TNKS2: variants seen among roughly 807,000 people sequenced by gnomAD.
TNKS2 encodes the protein tankyrase 2.
Under a neutral mutation model 137.6 loss-of-function variants are expected in TNKS2, and 72 were observed. That is an observed-to-expected ratio of 0.52 (90% confidence interval 0.43 to 0.64). The LOEUF is 0.64. Among genes scored for constraint, TNKS2 ranks in the 30% least tolerant of loss-of-function variants. The pLI is 0.00. For synonymous variants in TNKS2, 516 were observed against 512.1 expected, an observed-to-expected ratio of 1.01 and a Z score of -0.10; for missense variants, 1,049 against 1,410.2, an observed-to-expected ratio of 0.74 and a Z score of 4.10.
In TNKS2 at chr10:91,819,950, A is replaced by G. The variant is rs764554271; in HGVS notation, c.645A>G (p.Leu215=). 13 of 1,574,498 alleles carry G rather than the reference A, an allele frequency of 8.3e-6. No individual in the cohort carries two copies. The highest frequency in any genetic ancestry group is 1.1e-5 in the Non-Finnish European group (13 of 1,162,348). ...GATTAATATTTCAGTCAACTCCATT[A>G]CATTTGGCAGCAGGATATAACAGAG... ...HASDGRKSTP[L]HLAAGYNRVK... Residue 215 remains leucine (L), a synonymous_variant, in exon 6 of 27, where the codon TTA becomes TTG. Coordinates refer to ENST00000371627, the MANE Select transcript of TNKS2 (RefSeq NM_025235.4).
chr10:91,801,700 C>A (rs982732838), intron 1 of TNKS2, among the ~76,000 whole-genome samples: 5 of 152,098 alleles, frequency 3.3e-5, no homozygotes, highest in African/African-American at 1.2e-4. Context: ...TCTCAAACTC[C>A]TGATCTCGTG....
chr10:91,812,365 T>C (rs1200855579), intron 1 of TNKS2, among the ~76,000 whole-genome samples: 1 of 152,114 alleles, frequency 6.6e-6, no homozygotes, highest in Non-Finnish European at 1.5e-5. Flanking sequence ...GCCTCCTACA[T>C]GGAAAGAAGT....
intron 3 of TNKS2, 21 bp downstream of exon 3, chr10:91,817,250 T>G (rs1424315825): frequency 1.3e-6 from 2 of 1,582,686 alleles, no homozygotes; most frequent in Non-Finnish European, 1.7e-6. Context: ...ATACTCTGGT[T>G]ATTCCAGGAA....
In TNKS2 at chr10:91,841,377, T is replaced by A; in HGVS notation, c.1768T>A (p.Leu590Ile). 1 of 1,610,034 alleles carries A rather than the reference T, an allele frequency of 6.2e-7. No individual in the cohort carries two copies. ...TGGAGCAGTAGTTAATGTAGCTGATTTATGGAAATTTACACCTTTACATGA... is the reference window on the plus strand; with the variant it reads ...TGGAGCAGTAGTTAATGTAGCTGATATATGGAAATTTACACCTTTACATGA... ...KHGAVVNVAD[L>I]WKFTPLHEAA... Residue 590 changes from leucine to isoleucine, a missense_variant, in exon 15 of 27, where the codon TTA becomes ATA. Leu to Ile is a conservative substitution (Grantham distance 5). Around this residue, in one of 6 missense-constraint regions of TNKS2, gnomAD observed 328 missense variants for 436.0 expected, o/e 0.75. Coordinates refer to ENST00000371627, the MANE Select transcript of TNKS2 (RefSeq NM_025235.4).
intron 1 of TNKS2, among the ~76,000 whole-genome samples, chr10:91,806,661 C>T (rs1469892232): frequency 2.0e-5 from 3 of 152,156 alleles, no homozygotes; most frequent in Non-Finnish European, 2.9e-5. Context: ...TGAGACTACA[C>T]TGCTATACAT....
chr10:91,840,126 G>A (rs1842164868), intron 13 of TNKS2, among the ~76,000 whole-genome samples: 1 of 152,176 alleles, frequency 6.6e-6, no homozygotes, highest in African/African-American at 2.4e-5. Flanking sequence ...GATCCCTTGA[G>A]GCCAGGAGTT....
chr10:91,862,168 T>C lies in TNKS2; in HGVS notation c.3438+13T>C. 1 of 1,557,554 alleles carries C rather than the reference T, an allele frequency of 6.4e-7. No individual in the cohort carries two copies. The highest frequency in any genetic ancestry group is 8.7e-7 in the Non-Finnish European group (1 of 1,151,908). ...CAGAGGAGAACAGGTAATGTAGTTT[T>C]ATTTGTTCATCTTCAAAAATGCTAG... On this transcript the variant is annotated intron_variant, in intron 26 of 26. Coordinates refer to ENST00000371627, the MANE Select transcript of TNKS2 (RefSeq NM_025235.4).
In TNKS2 at chr10:91,831,105, T is replaced by G. The variant is rs981195737; in HGVS notation, c.1199T>G (p.Phe400Cys). The G allele has an allele frequency of 3.7e-6, 6 of 1,613,964 alleles. No homozygotes were observed. The highest frequency in any genetic ancestry group is 5.1e-6 in the Non-Finnish European group (6 of 1,179,910). The change falls in exon 11 of 27, where the codon TTC becomes TGC. Residue 400 changes from phenylalanine to cysteine, a missense_variant and splice_region_variant. By Grantham distance (205) the Phe-to-Cys change is radical. Around this residue, in one of 6 missense-constraint regions of TNKS2, gnomAD observed 328 missense variants for 436.0 expected, o/e 0.75. Transcript: ENST00000371627. Reference protein sequence around the residue: ...GANINEKTKEFLTPLHVASEK... With the variant: ...GANINEKTKECLTPLHVASEK... ...CTGGCTGATTTTTTCTCTCTAAGAT[T>G]CTTGACTCCTCTGCACGTGGCATCT...
At chr10:91,851,044 G>GT (rs1235043555) in intron 20 of TNKS2, among the ~76,000 whole-genome samples, 172 bp from the exon 21 acceptor site, 1 of 152,160 alleles carries the variant, frequency 6.6e-6, no homozygotes, top group Non-Finnish European at 1.5e-5. Context: ...GTGCCTTTTT[G>GT]TTTTGCGTTT....
At chr10:91,834,074 T>A (rs539733627) in intron 12 of TNKS2, 50 bp downstream of exon 12, 83 of 1,442,494 alleles carry the variant, frequency 5.8e-5, no homozygotes, top group Non-Finnish European at 7.3e-5. Flanking sequence ...CCTTTAAAAA[T>A]TTTTCACATA....
intron 7 of TNKS2, among the ~76,000 whole-genome samples, chr10:91,826,259 C>T (rs999112377): frequency 2.0e-5 from 3 of 152,150 alleles, no homozygotes; most frequent in Non-Finnish European, 2.9e-5. Flanking sequence ...GAATTTTCCA[C>T]TTGTGTCGTC....
chr10:91,842,457 T>TGA, intron 16 of TNKS2, 66 bp downstream of exon 16: 1 of 1,465,184 alleles, frequency 6.8e-7, no homozygotes, highest in Non-Finnish European at 9.4e-7. Context: ...CCAGGTAAAA[T>TGA]ATTTTCTGTA....
intron 9 of TNKS2, among the ~76,000 whole-genome samples, chr10:91,830,535 C>A (rs562430027): frequency 6.6e-6 from 1 of 152,260 alleles, no homozygotes; most frequent in East Asian, 1.9e-4. Context: ...GTTATTTCTT[C>A]ATGTAAAGAA....
intron 23 of TNKS2, among the ~76,000 whole-genome samples, chr10:91,855,938 G>T (rs944114601): frequency 6.6e-6 from 1 of 152,046 alleles, no homozygotes; most frequent in African/African-American, 2.4e-5. Flanking sequence ...TTATCTTGGG[G>T]TAATGCTAAA....
rs548741921 is a variant in TNKS2 at position 91,819,216 on chromosome 10, ACT to A, written c.521-52_521-51del. On this transcript the variant is annotated intron_variant, in intron 3 of 26. Coordinates refer to ENST00000371627, the MANE Select transcript of TNKS2 (RefSeq NM_025235.4). ...TTCATTGGGCATCTTTTTGCATAAAACTCATTAATTTTTCTTTTTAATTTCTA... is the reference window on the plus strand; with the variant it reads ...TTCATTGGGCATCTTTTTGCATAAAACATTAATTTTTCTTTTTAATTTCTA... 6.8e-4 allele frequency: 746 copies of A among 1,097,680 alleles called. 2 individuals carry two copies. The highest frequency in any genetic ancestry group is 8.6e-4 in the Non-Finnish European group (686 of 793,414). The allele number at this position is 1,097,680 out of a possible 1,614,324, so 68.0% of individuals were successfully genotyped here.
In TNKS2 at chr10:91,836,558, A is replaced by C. The variant is rs916349402; in HGVS notation, c.1448-361A>C. ...GTTCAGATAGCTAATTAATGACAGA[A>C]CCACAGTTAGATTTCTGTTTGCTCT... is the stretch of plus-strand genomic sequence containing the variant. On this transcript the variant is annotated intron_variant, in intron 12 of 26. Transcript: ENST00000371627. 8.2e-6 allele frequency: 7 copies of C among 855,390 alleles called. No individual in the cohort carries two copies. The South Asian group carries it at 3.2e-4, about 39-fold the overall frequency. 53.0% of individuals were successfully genotyped at this position (855,390 alleles called of 1,614,324 possible).
At chr10:91,854,342 A>ACC (rs1842641135) in intron 21 of TNKS2, among the ~76,000 whole-genome samples, 2 of 152,098 alleles carry the variant, frequency 1.3e-5, no homozygotes, top group Non-Finnish European at 2.9e-5. Context: ...TTTCCATAAA[A>ACC]CCCCTTATAA....
At chr10:91,846,895 C>T (rs1258209202) in intron 18 of TNKS2, among the ~76,000 whole-genome samples, 1 of 152,172 alleles carries the variant, frequency 6.6e-6, no homozygotes, top group Non-Finnish European at 1.5e-5. Flanking sequence ...AAGCAAAATG[C>T]TGTAGAGAAC....
intron 6 of TNKS2, among the ~76,000 whole-genome samples, chr10:91,820,954 T>TA (rs1182765777): frequency 2.6e-5 from 4 of 152,220 alleles, no homozygotes; most frequent in African/African-American, 9.6e-5. Flanking sequence ...ACATACGAAA[T>TA]ACAGGAGGCA....
Sources: allele counts gnomAD v4.1 joint callset (sites outside exome capture counted in the v4.1 genomes callset), GRCh38; gene constraint gnomAD v4.1.1; regional missense constraint gnomAD v4.1.1; transcripts MANE v1.5; gene names NCBI Gene and HGNC (gene_info 2026-07-23, HGNC 2026-07-21).